Variants in LRRC28 observed in about 807,000 individuals in gnomAD.
The protein encoded by LRRC28 is leucine-rich repeat-containing protein 28.
Under a neutral mutation model 45.7 loss-of-function variants are expected in LRRC28, and 39 were observed. That is an observed-to-expected ratio of 0.85 (90% CI 0.66 to 1.12). The LOEUF (loss-of-function observed/expected upper bound fraction) is 1.12, where lower values mean the gene tolerates loss of function less well. Ranked by LOEUF, LRRC28 falls within the 50% of genes most tolerant of loss-of-function variation. LRRC28 has a pLI of 0.00. For missense variants in LRRC28, 435 were observed against 438.5 expected (o/e 0.99, Z 0.07); for synonymous variants, 206 against 178.8 (o/e 1.15, Z -1.22).
At chr15:99,262,331 C>T (rs2081221001) in intron 2 of LRRC28, among the ~76,000 whole-genome samples, 1 of 152,034 alleles carries the variant, frequency 6.6e-6, no homozygotes, top group African/African-American at 2.4e-5. Flanking sequence ...CCTGTAATCC[C>T]AGCATTTTGG....
chr15:99,296,397 C>G lies in LRRC28; in HGVS notation c.385+8446C>G, dbSNP rs529860097. ...CAGTGTGTTATTGTGCCTCCTGTCC[C>G]CAGATATTCAAGGCTCTTCACCCCA... is the stretch of plus-strand genomic sequence containing the variant. On this transcript the variant is annotated intron_variant, in intron 5 of 9. Transcript: ENST00000301981. 6.6e-5 allele frequency among the ~76,000 whole-genome samples: 10 copies of G among 152,288 alleles called. No homozygotes were observed. In the South Asian group the frequency reaches 1.7e-3, roughly 25 times the overall value.
At chr15:99,264,503 A>G (rs1354032646) in intron 2 of LRRC28, among the ~76,000 whole-genome samples, 3 of 152,240 alleles carry the variant, frequency 2.0e-5, no homozygotes, top group South Asian at 2.1e-4. Context: ...TTACTGAGCA[A>G]TGCTGAGGTG....
intron 5 of LRRC28, among the ~76,000 whole-genome samples, chr15:99,318,364 C>G (rs1273194850): frequency 1.3e-5 from 2 of 151,954 alleles, no homozygotes; most frequent in Non-Finnish European, 2.9e-5. Context: ...CAGGTGCTTA[C>G]AATTGTTGTG....
chr15:99,309,557 C>T (rs1812344), intron 5 of LRRC28, among the ~76,000 whole-genome samples: 63,474 of 151,852 alleles, frequency 0.42, 13,785 homozygotes, highest in African/African-American at 0.55. Context: ...TACAGGCACG[C>T]GCCACCACGC....
At chr15:99,321,764 G>T (rs1458062653) in intron 5 of LRRC28, among the ~76,000 whole-genome samples, 2 of 152,218 alleles carry the variant, frequency 1.3e-5, no homozygotes, top group East Asian at 3.8e-4. Flanking sequence ...CACCTACCAT[G>T]TGCTAGACTC....
At chr15:99,375,159 T>G (rs1957592149) in intron 9 of LRRC28, among the ~76,000 whole-genome samples, 1 of 152,200 alleles carries the variant, frequency 6.6e-6, no homozygotes, top group Non-Finnish European at 1.5e-5. Flanking sequence ...TTCCTCTCTA[T>G]GTAGTTTGCT....
intron 2 of LRRC28, among the ~76,000 whole-genome samples, chr15:99,272,930 A>G (rs992983802): frequency 6.6e-6 from 1 of 152,188 alleles, no homozygotes; most frequent in Non-Finnish European, 1.5e-5. Context: ...TGTAAATCCT[A>G]TGGATTAGGA....
At chr15:99,324,442 C>T (rs930777138) in intron 5 of LRRC28, among the ~76,000 whole-genome samples, 5 of 151,820 alleles carry the variant, frequency 3.3e-5, no homozygotes, top group East Asian at 1.9e-4. Flanking sequence ...TTAGTGGTAC[C>T]GGAAAAAGCA....
rs115888243 is a variant in LRRC28 at position 99,280,505 on chromosome 15, G to A, written c.209+3889G>A. 7.6e-3 allele frequency among the ~76,000 whole-genome samples: 1,032 copies of A among 136,006 alleles called. 14 individuals carry two copies. The highest frequency in any genetic ancestry group is 0.025 in the African/African-American group (932 of 36,588). 89.2% of individuals were successfully genotyped at this position (136,006 alleles called of 152,430 possible). On this transcript the variant is annotated intron_variant, in intron 3 of 9. Coordinates refer to ENST00000301981, the MANE Select transcript of LRRC28 (RefSeq NM_144598.5). The stretch of plus-strand genomic sequence containing the variant: ...ATTCTTAGTGACCATTTTTTTTGTT[G>A]TTGTTGTTATCAGCACGTTCATGAT...
At chr15:99,290,623 A>C (rs534612999) in intron 5 of LRRC28, among the ~76,000 whole-genome samples, 1 of 152,262 alleles carries the variant, frequency 6.6e-6, no homozygotes, top group South Asian at 2.1e-4. Flanking sequence ...GTATTTATGA[A>C]CTTTTTTTTA....
chr15:99,257,531 G>A (rs745990122), intron 2 of LRRC28: 26 of 445,142 alleles, frequency 5.8e-5, no homozygotes, highest in African/African-American at 2.0e-4. Flanking sequence ...ATTTGTGGGC[G>A]GACCACGCGG....
rs539518405 is a variant in LRRC28 at position 99,346,083 on chromosome 15, G to GT, written c.593-6285dup. ...TGCAGCCTTGAAGTACTGGGCTCAA[G>GT]TGATCCTCCTGCCTCAGCTTCCTGA... On this transcript the variant is annotated intron_variant, in intron 6 of 9. Coordinates refer to ENST00000301981, the MANE Select transcript of LRRC28 (RefSeq NM_144598.5). Among the ~76,000 whole-genome samples the GT allele has an allele frequency of 2.0e-4, 31 of 152,346 alleles. No individual in the cohort carries two copies. In the East Asian group the frequency reaches 5.8e-3, roughly 28 times the overall value.
chr15:99,282,177 G>GTTTTTTTTTTTTTTGTTTTTTT (rs1555555141), intron 3 of LRRC28, among the ~76,000 whole-genome samples: 1 of 98,048 alleles, frequency 1.0e-5, no homozygotes, highest in African/African-American at 4.8e-5. Context: ...ATTTTTGGAG[G>GTTTTTTTTTTTTTTGTTTTTTT]TTTTTTTTTT....
chr15:99,377,878 C>T (rs1957692750), intron 9 of LRRC28, among the ~76,000 whole-genome samples: 1 of 152,126 alleles, frequency 6.6e-6, no homozygotes, highest in African/African-American at 2.4e-5. Context: ...TTTCTGAGGG[C>T]TCTGTTCTGT....
chr15:99,291,562 C>T (rs1034169271), intron 5 of LRRC28, among the ~76,000 whole-genome samples: 3 of 152,052 alleles, frequency 2.0e-5, no homozygotes, highest in Non-Finnish European at 4.4e-5. Flanking sequence ...TGATGTTATC[C>T]CCATTTGACC....
chr15:99,283,626 A>AT (rs1312628552), intron 3 of LRRC28, among the ~76,000 whole-genome samples: 1 of 151,226 alleles, frequency 6.6e-6, no homozygotes, highest in East Asian at 1.9e-4. Flanking sequence ...AAAAAAAAAA[A>AT]AAAAAAAAAG....
At position 99,352,486 on chromosome 15, in the gene LRRC28, A is replaced by C. The variant is rs1032600453; in HGVS notation, c.695+15A>C. On this transcript the variant is annotated intron_variant, in intron 7 of 9. Coordinates refer to ENST00000301981, the MANE Select transcript of LRRC28 (RefSeq NM_144598.5). ...GGGTGCAGTGGGTAAGGCCGATTTCACATTTTGAACTAAAAAATAGATTAA... is the reference window on the plus strand; with the variant it reads ...GGGTGCAGTGGGTAAGGCCGATTTCCCATTTTGAACTAAAAAATAGATTAA... 1.9e-6 allele frequency: 3 copies of C among 1,582,888 alleles called. No homozygotes were observed. In the African/African-American group the frequency reaches 4.1e-5, roughly 21 times the overall value.
Position 99,287,659 on chromosome 15 carries a change from T to C in LRRC28, c.248-155T>C, listed in dbSNP as rs2081993710. ...CTTGAGCTGGAAGTATTTATCACTT[T>C]CATGAACTTAGTTTGATCTGTGTTT... On this transcript the variant is annotated intron_variant, in intron 4 of 9. Coordinates refer to ENST00000301981, the MANE Select transcript of LRRC28 (RefSeq NM_144598.5). Among the ~76,000 whole-genome samples, 3 of 152,336 alleles carry C rather than the reference T, an allele frequency of 2.0e-5. No individual in the cohort carries two copies. In the South Asian group the frequency reaches 6.2e-4, roughly 32 times the overall value.
chr15:99,358,273 G>T (rs1957101789), intron 7 of LRRC28, among the ~76,000 whole-genome samples: 1 of 152,132 alleles, frequency 6.6e-6, no homozygotes, highest in African/African-American at 2.4e-5. Flanking sequence ...GAAGAAAATT[G>T]TGAAATTTTT....
Sources: gnomAD v4.1 joint callset for allele counts (sites outside exome capture counted in the v4.1 genomes callset) on GRCh38, gnomAD v4.1.1 for gene constraint, MANE v1.5 for transcripts, NCBI Gene and HGNC (gene_info 2026-07-23, HGNC 2026-07-21) for gene names.